RAPGEF4: variants seen among roughly 807,000 people sequenced by gnomAD.
RAPGEF4 encodes the protein RAP guanine-nucleotide-exchange factor (GEF) 4.
In RAPGEF4, 66 loss-of-function variants were observed where a neutral mutation model predicts 147.9. The ratio of observed to expected loss-of-function variants is 0.45; its 90% CI spans 0.37 to 0.55. The LOEUF is 0.55. RAPGEF4 is among the 20% of genes least tolerant of loss of function. The pLI, the probability that RAPGEF4 is intolerant of heterozygous loss-of-function variation, is 0.00. For synonymous variants in RAPGEF4, 419 were observed against 442.7 expected, an observed-to-expected ratio of 0.95 and a Z score of 0.67; for missense variants, 1,071 against 1,257.3, an observed-to-expected ratio of 0.85 and a Z score of 2.24.
At chr2:172,993,065 T>C (rs1186550852) in intron 15 of RAPGEF4, among the ~76,000 whole-genome samples, 1 of 152,164 alleles carries the variant, frequency 6.6e-6, no homozygotes, top group Non-Finnish European at 1.5e-5. Context: ...AGGGTCACCA[T>C]GTTGGTGCTG....
chr2:172,873,461 C>T (rs1052469176), intron 4 of RAPGEF4, among the ~76,000 whole-genome samples: 3 of 152,272 alleles, frequency 2.0e-5, no homozygotes, highest in African/African-American at 7.2e-5. Context: ...GATACAAGAG[C>T]AACTCTAGGT....
At chr2:172,871,536 A>C (rs954282438) in intron 4 of RAPGEF4, among the ~76,000 whole-genome samples, 4 of 152,068 alleles carry the variant, frequency 2.6e-5, no homozygotes, top group Non-Finnish European at 5.9e-5. Flanking sequence ...TCTCTTTGCC[A>C]GGGCCTTCAG....
chr2:172,918,892 G>T (rs954066630), intron 5 of RAPGEF4, among the ~76,000 whole-genome samples: 3 of 151,968 alleles, frequency 2.0e-5, no homozygotes, highest in Admixed American at 2.0e-4. Flanking sequence ...ACCCTCCCTC[G>T]CTGACCAGTC....
chr2:172,933,643 TAGTG>T, intron 6 of RAPGEF4, among the ~76,000 whole-genome samples: 1 of 152,084 alleles, frequency 6.6e-6, no homozygotes, highest in Non-Finnish European at 1.5e-5. Context: ...AGAAATGAAA[TAGTG>T]AGACATAAAT....
At position 173,051,827 on chromosome 2, in the gene RAPGEF4, T is replaced by C. The variant is rs1575609335; in HGVS notation, c.*60T>C. On this transcript the variant is annotated 3_prime_UTR_variant, in exon 31 of 31. Transcript: ENST00000397081. ...AGTCCACAATCTTTCAAAAATGCCA[T>C]TTATGCTACTACTGACTGTATTGCC... The C allele has an allele frequency of 1.3e-6, 2 of 1,584,010 alleles. No individual in the cohort carries two copies. The highest frequency in any genetic ancestry group is 4.5e-5 in the East Asian group (2 of 44,562).
chr2:172,982,673 C>T (rs1691813165), intron 10 of RAPGEF4, among the ~76,000 whole-genome samples: 2 of 152,110 alleles, frequency 1.3e-5, no homozygotes, highest in African/African-American at 4.8e-5. Context: ...CTACACATGT[C>T]CTACATAATT....
chr2:172,738,104 T>A (rs527654785), intron 1 of RAPGEF4, among the ~76,000 whole-genome samples: 1 of 152,348 alleles, frequency 6.6e-6, no homozygotes, highest in Admixed American at 6.5e-5. Context: ...TTTATTTATT[T>A]ATTTTTTTTA....
chr2:172,811,033 AC>A (rs1421663292), intron 3 of RAPGEF4, among the ~76,000 whole-genome samples: 5 of 152,238 alleles, frequency 3.3e-5, no homozygotes, highest in African/African-American at 9.6e-5. Context: ...GAGCATTTCC[AC>A]TGTAGGCAAC....
intron 1 of RAPGEF4, among the ~76,000 whole-genome samples, chr2:172,756,508 T>A (rs1193885435): frequency 1.3e-5 from 2 of 152,222 alleles, no homozygotes; most frequent in Non-Finnish European, 2.9e-5. Flanking sequence ...ACCTGTCATA[T>A]CCCTAGTTGA....
At chr2:172,761,127 T>C (rs1159255670) in intron 1 of RAPGEF4, among the ~76,000 whole-genome samples, 4 of 151,006 alleles carry the variant, frequency 2.6e-5, no homozygotes, top group African/African-American at 7.3e-5. Flanking sequence ...AATTTTTTTT[T>C]CTTTTTTTTT....
chr2:172,767,175 T>TCTC (rs1225404605), intron 1 of RAPGEF4, among the ~76,000 whole-genome samples: 1 of 150,656 alleles, frequency 6.6e-6, no homozygotes, highest in Non-Finnish European at 1.5e-5. Context: ...AGATAAACAC[T>TCTC]CTATTTTTTT....
At chr2:172,823,374 G>A (rs1454007386) in intron 4 of RAPGEF4, among the ~76,000 whole-genome samples, 2 of 152,204 alleles carry the variant, frequency 1.3e-5, no homozygotes, top group East Asian at 1.9e-4. Context: ...CCTGTCATGT[G>A]TTGTGATTCC....
intron 4 of RAPGEF4, among the ~76,000 whole-genome samples, chr2:172,816,395 A>G (rs540347700): frequency 3.3e-5 from 5 of 151,724 alleles, no homozygotes; most frequent in African/African-American, 9.7e-5. Context: ...TTTTCATGGT[A>G]TCTTTTTTTG....
At chr2:172,971,085 C>T (rs1321182856) in intron 10 of RAPGEF4, among the ~76,000 whole-genome samples, 2 of 131,608 alleles carry the variant, frequency 1.5e-5, no homozygotes, top group Admixed American at 1.6e-4. Context: ...AATGGGTACT[C>T]TTACCAGTAG....
chr2:172,780,287 A>C (rs976930992), intron 1 of RAPGEF4, among the ~76,000 whole-genome samples: 1 of 152,244 alleles, frequency 6.6e-6, no homozygotes, highest in African/African-American at 2.4e-5. Context: ...TCTTTAACAA[A>C]GAAGAATACA....
chr2:172,986,801 C>T (rs1163086312), intron 12 of RAPGEF4, among the ~76,000 whole-genome samples: 1 of 151,710 alleles, frequency 6.6e-6, no homozygotes, highest in African/African-American at 2.4e-5. Context: ...TCAAGCAATT[C>T]TCCTGCCTCA....
chr2:172,784,080 T>G (rs1684948273), intron 1 of RAPGEF4, among the ~76,000 whole-genome samples: 1 of 152,220 alleles, frequency 6.6e-6, no homozygotes, highest in Non-Finnish European at 1.5e-5. Flanking sequence ...TTACCACATT[T>G]CACCTTGATA....
intron 8 of RAPGEF4, among the ~76,000 whole-genome samples, chr2:172,963,251 A>T (rs1689486071): frequency 6.6e-6 from 1 of 152,182 alleles, no homozygotes; most frequent in Non-Finnish European, 1.5e-5. Context: ...TTTGTGGGGG[A>T]CACAAAGCCA....
At chr2:172,792,835 G>T (rs573828153) in intron 1 of RAPGEF4, among the ~76,000 whole-genome samples, 2 of 152,172 alleles carry the variant, frequency 1.3e-5, no homozygotes, top group Non-Finnish European at 2.9e-5. Context: ...CTCTGATAAT[G>T]TACCTGCCAC....
Sources: gnomAD v4.1 joint callset for allele counts (sites outside exome capture counted in the v4.1 genomes callset) on GRCh38, gnomAD v4.1.1 for gene constraint, MANE v1.5 for transcripts, NCBI Gene and HGNC (gene_info 2026-07-23, HGNC 2026-07-21) for gene names.